The following EGF variants were observed in gnomAD, a reference collection of about 807,000 sequenced individuals.
EGF encodes the protein pro-epidermal growth factor.
EGF carries 95 observed loss-of-function variants against 143.8 expected under a neutral mutation model. That is an observed-to-expected ratio of 0.66 (90% CI 0.56 to 0.78). EGF has a LOEUF of 0.78. Ranked by LOEUF, EGF falls within the 30% of genes least tolerant of loss-of-function variation. The pLI is 0.00. For synonymous variants in EGF, 510 were observed against 510.5 expected (o/e 1.00, Z 0.01); for missense variants, 1,320 against 1,470.9 (o/e 0.90, Z 1.68).
At chr4:109,933,198 GCTTT>G (rs945003942) in intron 1 of EGF, among the ~76,000 whole-genome samples, 38 of 152,318 alleles carry the variant, frequency 2.5e-4, no homozygotes, top group African/African-American at 8.9e-4. Context: ...CAGGCCTCTG[GCTTT>G]CTGTCTAGTG....
chr4:110,006,617 C>T (rs1753335594), intron 22 of EGF, among the ~76,000 whole-genome samples: 1 of 152,210 alleles, frequency 6.6e-6, no homozygotes, highest in South Asian at 2.1e-4. Context: ...TGTCAGTCTA[C>T]ATGGTATTTC....
chr4:109,917,706 C>T (rs2237040), intron 1 of EGF, among the ~76,000 whole-genome samples: 76,530 of 151,858 alleles, frequency 0.5, 20,687 homozygotes, highest in East Asian at 0.7. Context: ...CTGCAACCTC[C>T]GCCTCCCAGG....
chr4:109,997,165 C>T (rs918056757), intron 20 of EGF, among the ~76,000 whole-genome samples: 8 of 152,074 alleles, frequency 5.3e-5, no homozygotes, highest in African/African-American at 1.9e-4. Flanking sequence ...AAGCTGTCTT[C>T]TTGCGCTGAG....
Position 109,948,990 on chromosome 4 carries a change from A to G in EGF, c.940+3715A>G, listed in dbSNP as rs181892106. ...TTTTTGTTATAAAATATAAATATTT[A>G]TACAAATATGAGTATCAATAAACTT... On this transcript the variant is annotated intron_variant, in intron 5 of 23. Coordinates refer to ENST00000265171, the MANE Select transcript of EGF (RefSeq NM_001963.6). Among the ~76,000 whole-genome samples the G allele has an allele frequency of 5.3e-3, 806 of 152,368 alleles. 7 individuals are homozygous for G. The highest frequency in any genetic ancestry group is 0.013 in the Admixed American group (199 of 15,304).
At chr4:109,956,270 A>T (rs1334965354) in intron 5 of EGF, among the ~76,000 whole-genome samples, 1 of 152,184 alleles carries the variant, frequency 6.6e-6, no homozygotes, top group Non-Finnish European at 1.5e-5. Flanking sequence ...ACCAAGACAA[A>T]ATTCAGTTTC....
chr4:109,976,778 CAA>C (rs1435890383), intron 13 of EGF, among the ~76,000 whole-genome samples: 8 of 152,108 alleles, frequency 5.3e-5, no homozygotes, highest in African/African-American at 1.7e-4. Flanking sequence ...CAGGAATGTA[CAA>C]AGACAGTATT....
Position 109,912,961 on chromosome 4 carries a change from ACTT to A in EGF, c.-374_-372del. 4.1e-6 allele frequency: 1 copy of A among 245,266 alleles called. No individual in the cohort carries two copies. The highest frequency in any genetic ancestry group is 5.6e-5 in the South Asian group (1 of 17,888). 15.2% of individuals were successfully genotyped at this position (245,266 alleles called of 1,614,324 possible). A position where few individuals can be genotyped will look rare whatever the true frequency, so the allele number is the denominator to read the frequency against. ...CCCCAATCCAAGGGTTGTAGCTGGAACTTTCCATCAGTTCTTCCTTTCTTTTTC... is the reference window on the plus strand; with the variant it reads ...CCCCAATCCAAGGGTTGTAGCTGGAATCCATCAGTTCTTCCTTTCTTTTTC... On this transcript the variant is annotated 5_prime_UTR_variant, in exon 1 of 24. Coordinates refer to ENST00000265171, the MANE Select transcript of EGF (RefSeq NM_001963.6).
intron 5 of EGF, among the ~76,000 whole-genome samples, chr4:109,956,666 A>G (rs1744842202): frequency 6.6e-6 from 1 of 152,234 alleles, no homozygotes; most frequent in South Asian, 2.1e-4. Flanking sequence ...GTAACTATAC[A>G]TGTATAATTG....
At chr4:110,009,911 G>A (rs1560779190) in intron 23 of EGF, among the ~76,000 whole-genome samples, 1 of 152,146 alleles carries the variant, frequency 6.6e-6, no homozygotes. Flanking sequence ...AGCTGACTAT[G>A]CCAGGGGAAA....
intron 1 of EGF, among the ~76,000 whole-genome samples, chr4:109,938,820 C>T (rs1353309183): frequency 6.6e-6 from 1 of 152,134 alleles, no homozygotes; most frequent in African/African-American, 2.4e-5. Context: ...CACTTTAGAC[C>T]TTGTTTGCCT....
chr4:110,008,361 A>T, intron 23 of EGF, 131 bp downstream of exon 23: 1 of 1,161,152 alleles, frequency 8.6e-7, no homozygotes, highest in Admixed American at 2.0e-5. Flanking sequence ...AGCTATGTGA[A>T]TAGCTGGGCT....
At chr4:109,959,888 C>G (rs944800194) in intron 6 of EGF, among the ~76,000 whole-genome samples, 1 of 152,116 alleles carries the variant, frequency 6.6e-6, no homozygotes, top group East Asian at 1.9e-4. Flanking sequence ...GCTGGTTTGT[C>G]TAAGAATCCT....
intron 5 of EGF, among the ~76,000 whole-genome samples, chr4:109,949,625 T>C (rs1743489951): frequency 6.6e-6 from 1 of 152,106 alleles, no homozygotes; most frequent in Non-Finnish European, 1.5e-5. Flanking sequence ...CCTCTTTTTT[T>C]TTTTTTTGAG....
chr4:109,944,628 A>G (rs1421053883), intron 4 of EGF, among the ~76,000 whole-genome samples: 1 of 152,264 alleles, frequency 6.6e-6, no homozygotes. Flanking sequence ...TATTTGGCAC[A>G]TAATAAGTTC....
intron 1 of EGF, among the ~76,000 whole-genome samples, chr4:109,931,631 AAT>A (rs1197660209): frequency 6.6e-6 from 1 of 152,214 alleles, no homozygotes; most frequent in Non-Finnish European, 1.5e-5. Context: ...AAGACCTGAG[AAT>A]CACCTGGAGT....
At chr4:109,998,188 T>A (rs372694369) in intron 20 of EGF, among the ~76,000 whole-genome samples, 51 of 152,336 alleles carry the variant, frequency 3.3e-4, no homozygotes, top group African/African-American at 1.1e-3. Context: ...TGTGGCCCAT[T>A]AACATCCAAC....
intron 1 of EGF, among the ~76,000 whole-genome samples, chr4:109,919,317 CTCTCTCTCTCTCTCTCTCTCTCTCA>C (rs1453239096): frequency 8.8e-6 from 1 of 114,090 alleles, no homozygotes; most frequent in East Asian, 3.0e-4. Flanking sequence ...CTCTCTCTCT[CTCTCTCTCTCTCTCTCTCTCTCTCA>C]TCTCTCTCTC....
intron 1 of EGF, among the ~76,000 whole-genome samples, chr4:109,927,806 CGTGTGTGTGTGTGTGTGTGTGT>C (rs57788647): frequency 8.1e-5 from 11 of 136,316 alleles, no homozygotes; most frequent in African/African-American, 3.1e-4. Context: ...TGAATTTTGC[CGTGTGTGTGTGTGTGTGTGTGT>C]GTGTGTGTGT....
intron 4 of EGF, 138 bp downstream of exon 4, chr4:109,944,207 G>A: frequency 1.1e-6 from 1 of 937,030 alleles, no homozygotes. Flanking sequence ...AGTTTGGCCG[G>A]GCGCGGCGGA....
Sources: allele counts gnomAD v4.1 joint callset (sites outside exome capture counted in the v4.1 genomes callset), GRCh38; gene constraint gnomAD v4.1.1; transcripts MANE v1.5; gene names NCBI Gene and HGNC (gene_info 2026-07-23, HGNC 2026-07-21).